MDGA2: variants seen among roughly 807,000 people sequenced by gnomAD.
MDGA2 encodes the protein MAM domain containing glycosylphosphatidylinositol anchor 2.
A neutral mutation model predicts 117.8 loss-of-function variants in MDGA2; 40 were observed. That is an observed-to-expected ratio of 0.34 (90% CI 0.26 to 0.44). MDGA2 has a LOEUF of 0.44. Among genes scored for constraint, MDGA2 ranks in the 20% least tolerant of loss-of-function variants. MDGA2 has a pLI of 1.00. For missense variants in MDGA2, 1,123 were observed against 1,250.6 expected (o/e 0.90, Z 1.54); for synonymous variants, 452 against 439.0 (o/e 1.03, Z -0.37).
At chr14:46,967,235 C>T (rs1030669052) in intron 8 of MDGA2, among the ~76,000 whole-genome samples, 2 of 151,962 alleles carry the variant, frequency 1.3e-5, no homozygotes, top group African/African-American at 2.4e-5. Context: ...TGGAGGACTT[C>T]GTATAAGTAC....
intron 1 of MDGA2, among the ~76,000 whole-genome samples, chr14:47,571,548 T>C (rs1179183312): frequency 1.3e-5 from 2 of 152,122 alleles, no homozygotes. Context: ...ATGTGGCACA[T>C]ATACACCATG....
intron 1 of MDGA2, among the ~76,000 whole-genome samples, chr14:47,650,831 T>G (rs1897626439): frequency 6.6e-6 from 1 of 152,230 alleles, no homozygotes; most frequent in Admixed American, 6.5e-5. Flanking sequence ...TATTGTTTCT[T>G]TTGAATTGCA....
Position 47,204,200 on chromosome 14 carries a change from G to A in MDGA2, c.595+13821C>T, listed in dbSNP as rs577661876. ...CAATATTACCAATATTACCATTCTT[G>A]TCTTAGAACAACACTACATGTTTAA... On this transcript the variant is annotated intron_variant, in intron 3 of 16. Coordinates refer to ENST00000399232, the MANE Select transcript of MDGA2 (RefSeq NM_001113498.3). 1.9e-4 allele frequency among the ~76,000 whole-genome samples: 29 copies of A among 151,934 alleles called. 1 individual carries two copies. The South Asian group carries it at 6.0e-3, about 32-fold the overall frequency.
intron 9 of MDGA2, among the ~76,000 whole-genome samples, chr14:46,954,313 G>A (rs147271353): frequency 1.4e-4 from 22 of 151,976 alleles, no homozygotes; most frequent in East Asian, 9.7e-4. Context: ...TATTCATCTC[G>A]TATAATTTTT....
At chr14:47,593,105 A>T (rs1395856088) in intron 1 of MDGA2, among the ~76,000 whole-genome samples, 1 of 152,236 alleles carries the variant, frequency 6.6e-6, no homozygotes, top group East Asian at 1.9e-4. Context: ...GAAGACATTT[A>T]CAAAGCCAAC....
rs28667534 is a variant in MDGA2, at chr14:47,595,977, T to C, written c.280+78540A>G. Among the ~76,000 whole-genome samples, 884 of 152,340 alleles carry C rather than the reference T, an allele frequency of 5.8e-3. 6 individuals carry two copies. The highest frequency in any genetic ancestry group is 0.01 in the Non-Finnish European group (681 of 68,026). On this transcript the variant is annotated intron_variant, in intron 1 of 16. Coordinates refer to ENST00000399232, the MANE Select transcript of MDGA2 (RefSeq NM_001113498.3). Reference sequence around the variant, plus strand: ...TATATTCTATTTAATTACATTTTTATAAAATCATAGAACACAGAAAACTAA... The same window carrying C: ...TATATTCTATTTAATTACATTTTTACAAAATCATAGAACACAGAAAACTAA...
chr14:47,440,892 G>A (rs1487119925), intron 1 of MDGA2, among the ~76,000 whole-genome samples: 1 of 152,002 alleles, frequency 6.6e-6, no homozygotes, highest in African/African-American at 2.4e-5. Context: ...TTCAGAGGTA[G>A]AATTAAATTC....
At chr14:47,353,076 G>A (rs1182009671) in intron 1 of MDGA2, among the ~76,000 whole-genome samples, 2 of 152,080 alleles carry the variant, frequency 1.3e-5, no homozygotes, top group African/African-American at 4.8e-5. Context: ...CCCTTTATTG[G>A]AGTTTTACAT....
intron 1 of MDGA2, among the ~76,000 whole-genome samples, chr14:47,670,100 A>C (rs188568538): frequency 1.3e-5 from 2 of 152,150 alleles, no homozygotes; most frequent in African/African-American, 4.8e-5. Flanking sequence ...TGTCATTCTT[A>C]AATTGTATGA....
intron 15 of MDGA2, among the ~76,000 whole-genome samples, chr14:46,849,780 C>T (rs575955933): frequency 6.6e-6 from 1 of 151,716 alleles, no homozygotes; most frequent in East Asian, 1.9e-4. Flanking sequence ...TTTTTATTTC[C>T]ATCATTTCCA....
At chr14:47,604,265 T>A (rs926834875) in intron 1 of MDGA2, among the ~76,000 whole-genome samples, 1 of 151,992 alleles carries the variant, frequency 6.6e-6, no homozygotes. Flanking sequence ...CCTCCATCCC[T>A]TTCTCTCCCC....
At chr14:47,246,673 C>T (rs1887247751) in intron 2 of MDGA2, among the ~76,000 whole-genome samples, 1 of 151,594 alleles carries the variant, frequency 6.6e-6, no homozygotes, top group Non-Finnish European at 1.5e-5. Context: ...ACTGCAAAAA[C>T]CAAATGACTC....
At chr14:47,072,639 G>A (rs901802821) in intron 6 of MDGA2, among the ~76,000 whole-genome samples, 1 of 152,118 alleles carries the variant, frequency 6.6e-6, no homozygotes, top group Non-Finnish European at 1.5e-5. Flanking sequence ...CAAGTTATTG[G>A]ATGACACCCC....
At chr14:47,386,173 T>G (rs559434022) in intron 1 of MDGA2, among the ~76,000 whole-genome samples, 1 of 152,010 alleles carries the variant, frequency 6.6e-6, no homozygotes, top group East Asian at 1.9e-4. Flanking sequence ...TCCCAGCTAC[T>G]CAGGAGGCTG....
intron 1 of MDGA2, among the ~76,000 whole-genome samples, chr14:47,532,944 A>G (rs1289726276): frequency 6.6e-6 from 1 of 152,174 alleles, no homozygotes; most frequent in Non-Finnish European, 1.5e-5. Flanking sequence ...GGCCTCCAAA[A>G]CATCATGCCT....
At chr14:46,949,542 T>G (rs1650113060) in intron 9 of MDGA2, among the ~76,000 whole-genome samples, 1 of 152,014 alleles carries the variant, frequency 6.6e-6, no homozygotes, top group South Asian at 2.1e-4. Context: ...CAGAGTCTAT[T>G]ATTTCCATCT....
At chr14:46,874,252 G>T (rs1369698939) in intron 12 of MDGA2, 52 bp from the exon 13 acceptor site, 7 of 893,282 alleles carry the variant, frequency 7.8e-6, no homozygotes, top group Non-Finnish European at 1.1e-5. Context: ...TACACATACT[G>T]CAATATTTTC....
chr14:47,141,782 A>G lies in MDGA2; in HGVS notation c.792+2296T>C, dbSNP rs529917350. Reference sequence around the variant, plus strand: ...TAGGTGCAAAGTTACACTTTGGAGGAATAAATTCTAGTGTTCTATTGCAGA... The same window carrying G: ...TAGGTGCAAAGTTACACTTTGGAGGGATAAATTCTAGTGTTCTATTGCAGA... On this transcript the variant is annotated intron_variant, in intron 4 of 16. Transcript: ENST00000399232. Among the ~76,000 whole-genome samples the G allele has an allele frequency of 8.5e-5, 13 of 152,318 alleles. No homozygotes were observed. The South Asian group carries it at 2.3e-3, about 27-fold the overall frequency.
chr14:47,253,956 G>T (rs1245031942), intron 2 of MDGA2, among the ~76,000 whole-genome samples: 1 of 152,210 alleles, frequency 6.6e-6, no homozygotes, highest in East Asian at 1.9e-4. Flanking sequence ...AGCTGCCAAG[G>T]CTTGGGGCTT....
Sources: allele counts gnomAD v4.1 joint callset (sites outside exome capture counted in the v4.1 genomes callset), GRCh38; gene constraint gnomAD v4.1.1; transcripts MANE v1.5; gene names NCBI Gene and HGNC (gene_info 2026-07-23, HGNC 2026-07-21).